RBPMS: variants seen among roughly 807,000 people sequenced by gnomAD.
RBPMS encodes RNA-binding protein with multiple splicing.
In RBPMS, 7 loss-of-function variants were observed where a neutral mutation model predicts 26.8. The observed-to-expected ratio is 0.26, with a 90% CI of 0.15 to 0.49. The LOEUF is 0.49. Among genes scored for constraint, RBPMS ranks in the 20% least tolerant of loss-of-function variants. The pLI, the probability that RBPMS is intolerant of heterozygous loss-of-function variation, is 0.98. For synonymous variants in RBPMS, 96 were observed against 93.3 expected, an observed-to-expected ratio of 1.03 and a Z score of -0.17; for missense variants, 186 against 250.0, an observed-to-expected ratio of 0.74 and a Z score of 1.73.
intron 1 of RBPMS, among the ~76,000 whole-genome samples, chr8:30,447,885 CAT>C (rs930061198): frequency 6.6e-6 from 1 of 152,128 alleles, no homozygotes; most frequent in African/African-American, 2.4e-5. Flanking sequence ...ATAACTGTCA[CAT>C]ATCTCTTTTG....
intron 1 of RBPMS, among the ~76,000 whole-genome samples, chr8:30,450,034 A>G (rs891397046): frequency 3.9e-5 from 6 of 152,216 alleles, no homozygotes; most frequent in African/African-American, 1.4e-4. Context: ...CTTTTAAACA[A>G]ATGAAGGTAT....
intron 1 of RBPMS, chr8:30,446,817 G>C (rs1813852071): frequency 1.1e-5 from 1 of 95,132 alleles, no homozygotes; most frequent in African/African-American, 5.4e-5. Context: ...GTGTGTGTGT[G>C]TGTGTGTGTG....
At chr8:30,526,382 T>C (rs981326515) in intron 5 of RBPMS, among the ~76,000 whole-genome samples, 11 of 138,810 alleles carry the variant, frequency 7.9e-5, no homozygotes, top group African/African-American at 3.0e-4. Flanking sequence ...CAAATGTAGG[T>C]TAATTGCTCT....
chr8:30,493,545 C>T (rs933200833), intron 4 of RBPMS, among the ~76,000 whole-genome samples: 23 of 151,910 alleles, frequency 1.5e-4, no homozygotes, highest in African/African-American at 4.8e-4. Flanking sequence ...TCAGAGTTCT[C>T]GGTGTAAAAA....
intron 1 of RBPMS, chr8:30,453,919 T>G (rs1311842260): frequency 6.6e-6 from 1 of 152,218 alleles, no homozygotes; most frequent in Non-Finnish European, 1.5e-5. Context: ...TATTGCTTAT[T>G]AAAAATTCAT....
At chr8:30,553,107 A>C (rs931040249) in intron 6 of RBPMS, 1 of 152,214 alleles carries the variant, frequency 6.6e-6, no homozygotes, top group African/African-American at 2.4e-5. Flanking sequence ...ATAGCGACTT[A>C]ATTGCCCTAG....
chr8:30,529,213 C>A (rs1186503237), intron 5 of RBPMS, among the ~76,000 whole-genome samples: 1 of 150,432 alleles, frequency 6.6e-6, no homozygotes, highest in Non-Finnish European at 1.5e-5. Flanking sequence ...GAGATTCTGT[C>A]TCAAGGAAAA....
chr8:30,422,644 TTAA>T (rs897083767), intron 1 of RBPMS, among the ~76,000 whole-genome samples: 83 of 152,298 alleles, frequency 5.4e-4, no homozygotes, highest in African/African-American at 1.9e-3. Flanking sequence ...TTGTAGGAAC[TTAA>T]TAATGTACAA....
intron 7 of RBPMS, among the ~76,000 whole-genome samples, chr8:30,559,708 C>T (rs976327146): frequency 2.0e-5 from 3 of 152,116 alleles, no homozygotes; most frequent in Non-Finnish European, 4.4e-5. Context: ...TTAGTTCCAC[C>T]ATCAGTCTTC....
intron 1 of RBPMS, among the ~76,000 whole-genome samples, chr8:30,436,758 T>C (rs1368375629): frequency 6.6e-6 from 1 of 152,200 alleles, no homozygotes; most frequent in Non-Finnish European, 1.5e-5. Context: ...TGTGGTTTGC[T>C]TGTGTTTTTG....
At chr8:30,474,662 C>A in intron 1 of RBPMS, 117 bp from the exon 2 acceptor site, 1 of 654,400 alleles carries the variant, frequency 1.5e-6, no homozygotes, top group Non-Finnish European at 2.7e-6. Flanking sequence ...ATGGAAAGAG[C>A]ATGAATTTAG....
At chr8:30,456,617 C>T (rs546827011) in intron 1 of RBPMS, among the ~76,000 whole-genome samples, 5 of 152,144 alleles carry the variant, frequency 3.3e-5, no homozygotes, top group Non-Finnish European at 7.4e-5. Flanking sequence ...TCACTGGGAT[C>T]GGAACAAATT....
intron 6 of RBPMS, among the ~76,000 whole-genome samples, chr8:30,551,938 T>C (rs1205805031): frequency 1.3e-5 from 2 of 152,174 alleles, no homozygotes; most frequent in Non-Finnish European, 2.9e-5. Flanking sequence ...TGGCTTAAAG[T>C]CATAGTTATG....
At chr8:30,446,212 ACTTTCCC>A (rs1296767651) in intron 1 of RBPMS, among the ~76,000 whole-genome samples, 1 of 152,168 alleles carries the variant, frequency 6.6e-6, no homozygotes, top group Non-Finnish European at 1.5e-5. Context: ...TCCTTCGTTC[ACTTTCCC>A]CTTTATTGTG....
intron 4 of RBPMS, among the ~76,000 whole-genome samples, chr8:30,480,510 G>T (rs921995305): frequency 2.0e-5 from 3 of 152,188 alleles, no homozygotes; most frequent in African/African-American, 7.2e-5. Flanking sequence ...CTTAATTCTT[G>T]TTGGTTTTTC....
intron 6 of RBPMS, among the ~76,000 whole-genome samples, chr8:30,554,256 G>A (rs980610956): frequency 6.6e-6 from 1 of 152,128 alleles, no homozygotes; most frequent in South Asian, 2.1e-4. Flanking sequence ...CTTCCAGCTC[G>A]AAGCATGCAA....
At chr8:30,556,009 A>G (rs1406483630) in intron 6 of RBPMS, 4 of 985,230 alleles carry the variant, frequency 4.1e-6, no homozygotes, top group Non-Finnish European at 4.8e-6. Flanking sequence ...AGACTTGGCC[A>G]GGGGGGCACT....
intron 5 of RBPMS, among the ~76,000 whole-genome samples, chr8:30,522,502 T>C (rs1303563330): frequency 1.3e-5 from 2 of 152,188 alleles, no homozygotes; most frequent in Admixed American, 1.3e-4. Flanking sequence ...ACCAAGACCC[T>C]TTCTCAAAAC....
intron 4 of RBPMS, among the ~76,000 whole-genome samples, chr8:30,481,520 ATTC>A (rs1030918669): frequency 2.6e-5 from 4 of 151,204 alleles, no homozygotes; most frequent in African/African-American, 9.7e-5. Flanking sequence ...GTTTTAGGTT[ATTC>A]TTCTTGCACT....
Sources: gnomAD v4.1 joint callset for allele counts (sites outside exome capture counted in the v4.1 genomes callset) on GRCh38, gnomAD v4.1.1 for gene constraint, MANE v1.5 for transcripts, NCBI Gene and HGNC (gene_info 2026-07-23, HGNC 2026-07-21) for gene names.